ST7L: variants seen among roughly 807,000 people sequenced by gnomAD.
The protein encoded by ST7L is suppressor of tumorigenicity 7 protein-like.
In ST7L, 57 loss-of-function variants were observed where a neutral mutation model predicts 72.5. That is an observed-to-expected ratio of 0.79 (90% confidence interval 0.64 to 0.98). ST7L has a LOEUF of 0.98. Among genes scored for constraint, ST7L ranks in the 50% least tolerant of loss-of-function variants. The pLI is 0.00. For synonymous variants in ST7L, 221 were observed against 240.9 expected, an observed-to-expected ratio of 0.92 and a Z score of 0.77; for missense variants, 576 against 672.2, an observed-to-expected ratio of 0.86 and a Z score of 1.58.
At chr1:112,559,065 A>G (rs1478655638) in intron 11 of ST7L, among the ~76,000 whole-genome samples, 1 of 152,246 alleles carries the variant, frequency 6.6e-6, no homozygotes, top group Non-Finnish European at 1.5e-5. Flanking sequence ...CACAGACAAG[A>G]GACAAAATAT....
chr1:112,541,925 A>G (rs1656167698), intron 14 of ST7L, 26 bp downstream of exon 14: 1 of 1,611,234 alleles, frequency 6.2e-7, no homozygotes, highest in South Asian at 1.1e-5. Context: ...CAAATAATCT[A>G]CACAAGTCCT....
intron 9 of ST7L, among the ~76,000 whole-genome samples, chr1:112,578,816 C>T (rs1265654527): frequency 6.6e-6 from 1 of 152,032 alleles, no homozygotes; most frequent in Non-Finnish European, 1.5e-5. Flanking sequence ...AAGAATAATT[C>T]ACAATGCAAT....
intron 13 of ST7L, among the ~76,000 whole-genome samples, chr1:112,542,804 CT>C (rs1335705976): frequency 1.8e-4 from 27 of 147,198 alleles, no homozygotes; most frequent in Non-Finnish European, 3.5e-4. Flanking sequence ...TGAGTTGCTA[CT>C]TTTTTTTTTG....
At chr1:112,575,066 G>A (rs1176376736) in intron 11 of ST7L, among the ~76,000 whole-genome samples, 2 of 152,024 alleles carry the variant, frequency 1.3e-5, no homozygotes, top group South Asian at 2.1e-4. Flanking sequence ...GTGAAACCTC[G>A]TCTCTACTAA....
intron 14 of ST7L, among the ~76,000 whole-genome samples, chr1:112,531,853 T>C (rs1654434608): frequency 6.6e-6 from 1 of 152,242 alleles, no homozygotes; most frequent in African/African-American, 2.4e-5. Flanking sequence ...TGAGGCTCTT[T>C]ACAAATCTAA....
intron 9 of ST7L, 31 bp downstream of exon 9, chr1:112,581,961 C>CTAT (rs1305369380): frequency 7.6e-7 from 1 of 1,317,168 alleles, no homozygotes; most frequent in Non-Finnish European, 1.1e-6. Context: ...AAAAGAATAA[C>CTAT]CATGCTATCA....
chr1:112,551,656 G>A (rs1658209929), intron 12 of ST7L, among the ~76,000 whole-genome samples: 1 of 152,146 alleles, frequency 6.6e-6, no homozygotes, highest in African/African-American at 2.4e-5. Context: ...TTACTATTTA[G>A]TCCCTTGCAG....
intron 10 of ST7L, 73 bp from the exon 11 acceptor site, chr1:112,577,161 T>C: frequency 1.1e-6 from 1 of 904,044 alleles, no homozygotes; most frequent in African/African-American, 1.8e-5. Flanking sequence ...TAGATAATAA[T>C]ACAGCCCCTT....
At chr1:112,520,418 G>A, downstream of ST7L, 1 of 1,614,166 alleles carries the variant, frequency 6.2e-7, no homozygotes, top group East Asian at 2.2e-5. Flanking sequence ...TTCCACTGGT[G>A]CTGTGCTGTA....
chr1:112,608,067 C>A (rs1668529362), intron 3 of ST7L, among the ~76,000 whole-genome samples: 1 of 152,122 alleles, frequency 6.6e-6, no homozygotes, highest in Non-Finnish European at 1.5e-5. Flanking sequence ...GTCACCCAGG[C>A]TGGAGTGCAG....
chr1:112,618,515 G>A (rs753194114), intron 1 of ST7L: 5 of 230,112 alleles, frequency 2.2e-5, no homozygotes, highest in African/African-American at 4.5e-5. Context: ...CTGGATATGA[G>A]TTCTTTCAGC....
At chr1:112,583,894 T>C (rs1664483411) in intron 7 of ST7L, 78 bp downstream of exon 7, 23 of 1,495,504 alleles carry the variant, frequency 1.5e-5, no homozygotes, top group Non-Finnish European at 2.0e-5. Flanking sequence ...TTAAGTTTTT[T>C]ATTATTGTTG....
chr1:112,564,751 A>G (rs1334120221), intron 11 of ST7L, among the ~76,000 whole-genome samples: 3 of 137,542 alleles, frequency 2.2e-5, no homozygotes, highest in Non-Finnish European at 4.6e-5. Flanking sequence ...CAGGAGGCGG[A>G]GGTTGCAGTG....
At chr1:112,618,168 G>A in intron 1 of ST7L, 1 of 1,247,724 alleles carries the variant, frequency 8.0e-7, no homozygotes, top group Non-Finnish European at 1.0e-6. Context: ...AAGGGGACCT[G>A]GGCCCTAAAC....
At position 112,568,855 on chromosome 1, in the gene ST7L, AATATAAATATATAT is replaced by A. The variant is rs1557993498; in HGVS notation, c.1245+8117_1245+8130del. On this transcript the variant is annotated intron_variant, in intron 11 of 14. Transcript: ENST00000358039. The stretch of plus-strand genomic sequence containing the variant: ...GGAGACCCTGTTTTTTATAAATATA[AATATAAATATATAT>A]ATATATATATATATATATAAAACAA... Among the ~76,000 whole-genome samples the A allele has an allele frequency of 7.4e-5, 6 of 80,880 alleles. No homozygotes were observed. In the East Asian group the frequency reaches 1.6e-3, roughly 21 times the overall value. 53.1% of individuals were successfully genotyped at this position (80,880 alleles called of 152,430 possible).
intron 14 of ST7L, chr1:112,540,443 C>T (rs1557948695): frequency 1.0e-6 from 1 of 985,376 alleles, no homozygotes; most frequent in Admixed American, 6.1e-5. Context: ...AGTATGATCA[C>T]TAAGTGTTCA....
In ST7L at chr1:112,597,956, A is replaced by G. The variant is rs1391286482; in HGVS notation, c.622+15T>C. The G allele has an allele frequency of 1.3e-6, 2 of 1,583,552 alleles. No individual in the cohort carries two copies. Among genetic ancestry groups the G allele is most frequent in the Non-Finnish European group, 1.7e-6 (2 of 1,156,922 alleles). ...CATGATCACTGTTTATACTATGAAC[A>G]GATATGATACATACCTGTGTCTGAA... is the stretch of plus-strand genomic sequence containing the variant. On this transcript the variant is annotated intron_variant, in intron 5 of 14. Coordinates refer to ENST00000358039, the MANE Select transcript of ST7L (RefSeq NM_017744.5).
chr1:112,585,465 G>A (rs571888982), intron 6 of ST7L, among the ~76,000 whole-genome samples: 14 of 152,290 alleles, frequency 9.2e-5, no homozygotes, highest in East Asian at 1.9e-4. Context: ...ATTTTGGGCC[G>A]GGCGCGGTGG....
chr1:112,617,761 C>G (rs1670141337), intron 1 of ST7L, among the ~76,000 whole-genome samples: 2 of 144,370 alleles, frequency 1.4e-5, no homozygotes, highest in Admixed American at 1.4e-4. Flanking sequence ...ACACACGAAA[C>G]GTAAAAAAGA....
Sources: gnomAD v4.1 joint callset for allele counts (sites outside exome capture counted in the v4.1 genomes callset) on GRCh38, gnomAD v4.1.1 for gene constraint, MANE v1.5 for transcripts, NCBI Gene and HGNC (gene_info 2026-07-23, HGNC 2026-07-21) for gene names.